PIBF1: variants seen among roughly 807,000 people sequenced by gnomAD.
PIBF1 encodes progesterone immunomodulatory binding factor 1.
Under a neutral mutation model 112.5 loss-of-function variants are expected in PIBF1, and 90 were observed. The observed-to-expected ratio is 0.80, with a 90% confidence interval of 0.67 to 0.95. PIBF1 has a LOEUF of 0.95. Ranked by LOEUF, PIBF1 falls within the 40% of genes least tolerant of loss-of-function variation. The probability of loss-of-function intolerance (pLI) is 0.00; values close to 1 mark genes in which losing one functional copy is unlikely to be tolerated. For synonymous variants in PIBF1, 301 were observed against 288.6 expected (o/e 1.04, Z -0.44); for missense variants, 915 against 852.3 (o/e 1.07, Z -0.92).
At position 72,854,838 on chromosome 13, in the gene PIBF1, A is replaced by G. The variant is rs189581893; in HGVS notation, c.1322+683A>G. On this transcript the variant is annotated intron_variant, in intron 10 of 17. Transcript: ENST00000326291. ...CCTAGTTTTTTTTTTTTCAAAATCT[A>G]TATGTTCTAAAGTATGTGTTTTGGA... 1.8e-4 allele frequency among the ~76,000 whole-genome samples: 27 copies of G among 151,120 alleles called. No homozygotes were observed. In the East Asian group the frequency reaches 4.1e-3, roughly 23 times the overall value.
chr13:72,910,483 A>G (rs148706653), intron 12 of PIBF1, among the ~76,000 whole-genome samples: 2 of 152,276 alleles, frequency 1.3e-5, no homozygotes, highest in African/African-American at 4.8e-5. Context: ...ATAGAAGGGA[A>G]CTTCCTCGAT....
chr13:72,847,027 C>T (rs556711533), intron 9 of PIBF1, among the ~76,000 whole-genome samples: 86 of 152,226 alleles, frequency 5.6e-4, no homozygotes, highest in Non-Finnish European at 9.1e-4. Flanking sequence ...GACTGAGTGT[C>T]GTTTGAAGAT....
At chr13:72,864,972 A>G (rs1392562606) in intron 10 of PIBF1, among the ~76,000 whole-genome samples, 1 of 152,148 alleles carries the variant, frequency 6.6e-6, no homozygotes, top group Non-Finnish European at 1.5e-5. Flanking sequence ...CTTCTAAATT[A>G]TACTTCAGTG....
chr13:72,809,132 C>CTTTTTTTTT (rs35219701), intron 5 of PIBF1, among the ~76,000 whole-genome samples: 57 of 74,838 alleles, frequency 7.6e-4, no homozygotes, highest in African/African-American at 3.2e-3. Context: ...GTATATGTCC[C>CTTTTTTTTT]TTTTTTTTTT....
intron 15 of PIBF1, among the ~76,000 whole-genome samples, chr13:72,966,771 T>C (rs2042751111): frequency 6.6e-6 from 1 of 151,880 alleles, no homozygotes; most frequent in African/African-American, 2.4e-5. Flanking sequence ...TAGCTGAGCA[T>C]GGTGATGCAT....
chr13:72,942,677 C>T (rs1481619055), intron 14 of PIBF1, among the ~76,000 whole-genome samples: 1 of 152,100 alleles, frequency 6.6e-6, no homozygotes, highest in Non-Finnish European at 1.5e-5. Context: ...CTTTGCCTTT[C>T]AAAATGTTTG....
chr13:72,962,182 T>G (rs774813824), intron 14 of PIBF1, among the ~76,000 whole-genome samples: 1 of 152,116 alleles, frequency 6.6e-6, no homozygotes, highest in Non-Finnish European at 1.5e-5. Flanking sequence ...TACCATACTA[T>G]TAACAATCTA....
intron 10 of PIBF1, among the ~76,000 whole-genome samples, chr13:72,862,847 G>A (rs1263340240): frequency 2.0e-5 from 3 of 152,152 alleles, no homozygotes; most frequent in Non-Finnish European, 2.9e-5. Context: ...GGGTAAAGAA[G>A]AACTGGAAGT....
intron 14 of PIBF1, among the ~76,000 whole-genome samples, chr13:72,960,584 C>T (rs144673239): frequency 1.5e-3 from 234 of 152,240 alleles, no homozygotes; most frequent in Middle Eastern, 6.8e-3. Flanking sequence ...TCATTCTAGA[C>T]AGAAGTTAAC....
intron 10 of PIBF1, among the ~76,000 whole-genome samples, chr13:72,870,668 G>T (rs1172835419): frequency 6.6e-6 from 1 of 152,016 alleles, no homozygotes. Flanking sequence ...TAAGAAGTCT[G>T]TTGTAGGCTG....
chr13:72,996,810 A>G (rs180736091), intron 16 of PIBF1, among the ~76,000 whole-genome samples: 71 of 152,198 alleles, frequency 4.7e-4, no homozygotes, highest in Non-Finnish European at 9.1e-4. Context: ...GTTCAAATTT[A>G]CCATCGATAT....
At chr13:72,984,411 G>T (rs2043225492) in intron 16 of PIBF1, among the ~76,000 whole-genome samples, 1 of 152,122 alleles carries the variant, frequency 6.6e-6, no homozygotes, top group Non-Finnish European at 1.5e-5. Flanking sequence ...TTTTGCTTAT[G>T]TTTTCTAGGA....
intron 5 of PIBF1, among the ~76,000 whole-genome samples, chr13:72,816,410 T>C (rs942115418): frequency 6.6e-6 from 1 of 152,144 alleles, no homozygotes; most frequent in African/African-American, 2.4e-5. Flanking sequence ...GAGGCTATAA[T>C]CGCAGCACTT....
At chr13:72,996,268 TAAA>T (rs374718365) in intron 16 of PIBF1, among the ~76,000 whole-genome samples, 2 of 130,886 alleles carry the variant, frequency 1.5e-5, no homozygotes, top group African/African-American at 5.3e-5. Flanking sequence ...TTCAATATAT[TAAA>T]AAAAAAAAAA....
At chr13:72,936,972 T>C (rs1444302419) in intron 14 of PIBF1, among the ~76,000 whole-genome samples, 2 of 152,220 alleles carry the variant, frequency 1.3e-5, no homozygotes, top group Non-Finnish European at 2.9e-5. Context: ...TATTATTTTT[T>C]AGTTTTCACT....
chr13:73,006,741 C>T (rs767265650), intron 17 of PIBF1, among the ~76,000 whole-genome samples: 4 of 152,046 alleles, frequency 2.6e-5, no homozygotes, highest in South Asian at 2.1e-4. Context: ...TTAACTAACC[C>T]TCTCAATGGG....
chr13:72,900,757 T>C (rs2040454040), intron 11 of PIBF1, among the ~76,000 whole-genome samples: 1 of 152,150 alleles, frequency 6.6e-6, no homozygotes, highest in Admixed American at 6.5e-5. Flanking sequence ...GTGCAGTGGC[T>C]CATGCCTGTA....
intron 17 of PIBF1, among the ~76,000 whole-genome samples, chr13:73,009,574 G>A (rs2044134748): frequency 6.6e-6 from 1 of 152,178 alleles, no homozygotes; most frequent in Admixed American, 6.5e-5. Context: ...GATTAGATAT[G>A]TAAGTATGGG....
chr13:72,958,712 T>G (rs2042523814), intron 14 of PIBF1, among the ~76,000 whole-genome samples: 1 of 152,288 alleles, frequency 6.6e-6, no homozygotes, highest in African/African-American at 2.4e-5. Flanking sequence ...TTGGTTGAAA[T>G]GTATCAGTTA....
Sources: gnomAD v4.1 joint callset for allele counts (sites outside exome capture counted in the v4.1 genomes callset) on GRCh38, gnomAD v4.1.1 for gene constraint, MANE v1.5 for transcripts, NCBI Gene and HGNC (gene_info 2026-07-23, HGNC 2026-07-21) for gene names.